The following ABITRAM variants were observed in gnomAD, a reference collection of about 807,000 sequenced individuals.
The protein encoded by ABITRAM is protein Abitram.
A neutral mutation model predicts 22.9 loss-of-function variants in ABITRAM; 19 were observed. The ratio of observed to expected loss-of-function variants is 0.83; its 90% CI spans 0.58 to 1.22. ABITRAM has a LOEUF of 1.22. Ranked by LOEUF, ABITRAM falls within the 50% of genes most tolerant of loss-of-function variation. The pLI is 0.00. For synonymous variants in ABITRAM, 70 were observed against 73.9 expected (o/e 0.95, Z 0.27); for missense variants, 215 against 220.2 (o/e 0.98, Z 0.15).
At chr9:108,946,822 A>T (rs149345774) in intron 3 of ABITRAM, among the ~76,000 whole-genome samples, 1 of 152,302 alleles carries the variant, frequency 6.6e-6, no homozygotes, top group African/African-American at 2.4e-5. Context: ...CATTGATTTA[A>T]TGACTAAGCT....
downstream of ABITRAM, among the ~76,000 whole-genome samples, chr9:108,942,140 C>T (rs1242767876): frequency 6.6e-6 from 1 of 152,218 alleles, no homozygotes; most frequent in African/African-American, 2.4e-5. Context: ...CCATCTCATA[C>T]TCTCCAGGAG....
intron 3 of ABITRAM, 76 bp downstream of exon 3, chr9:108,936,513 G>C: frequency 6.7e-7 from 1 of 1,485,878 alleles, no homozygotes; most frequent in East Asian, 2.3e-5. Context: ...ATGAACCTTA[G>C]AATCCAGTAG....
intron 2 of ABITRAM, 70 bp from the exon 3 acceptor site, chr9:108,936,238 T>G (rs1168928541): frequency 3.1e-5 from 48 of 1,538,722 alleles, no homozygotes; most frequent in Non-Finnish European, 4.0e-5. Flanking sequence ...TACATTCTTG[T>G]TCCAATAGGA....
At chr9:108,950,708 G>A (rs1830537807) in exon 4 of ABITRAM, 2 of 1,385,746 alleles carry the variant, frequency 1.4e-6, no homozygotes, top group African/African-American at 1.5e-5. Flanking sequence ...AGTCTTTCTG[G>A]TGACTTTGCA....
chr9:108,948,162 G>T, intron 3 of ABITRAM: 1 of 1,608,642 alleles, frequency 6.2e-7, no homozygotes, highest in South Asian at 1.1e-5. Flanking sequence ...TAAAGTACTA[G>T]CATAAAACGG....
Position 108,939,531 on chromosome 9 carries a change from A to G in ABITRAM, c.409-18A>G, listed in dbSNP as rs1170919939. The G allele has an allele frequency of 2.5e-6, 4 of 1,612,902 alleles. No individual in the cohort carries two copies. The African/African-American group carries it at 5.3e-5, about 22-fold the overall frequency. ...TTTTTTCATCGTTTGACAGTACTAA[A>G]TGTTCTTTCCTTTCCAGCCATCTAC... On this transcript the variant is annotated intron_variant, in intron 5 of 5. Coordinates refer to ENST00000322940, the MANE Select transcript of ABITRAM (RefSeq NM_017832.4).
chr9:108,934,423 T>TC lies in ABITRAM; in HGVS notation c.-62dup, dbSNP rs1379853110. ...CTGTGCGCCGGAAGAGCACGCCCAG[T>TC]CCGGGCTGCGCGGAGGAAGCGCTGG... On this transcript the variant is annotated 5_prime_UTR_variant, in exon 1 of 6. Transcript: ENST00000322940. The TC allele has an allele frequency of 2.0e-5, 29 of 1,416,224 alleles. 1 individual carries two copies. Among genetic ancestry groups the TC allele is most frequent in the Admixed American group, 8.9e-5 (4 of 44,876 alleles). The allele number at this position is 1,416,224 out of a possible 1,614,324, so 87.7% of individuals were successfully genotyped here.
Position 108,939,651 on chromosome 9 carries a change from G to C in ABITRAM, c.511G>C (p.Val171Leu), listed in dbSNP as rs1830232801. ...ACAAAAACAATATGAAGAAGTCATG[G>C]TGAAACGCATTAATGCCACAACAGC... ...LTQKQYEEVM[V>L]KRINATTATS Residue 171 changes from valine (V) to leucine (L), a missense_variant, in exon 6 of 6, where the codon GTG becomes CTG. Coordinates refer to ENST00000322940, the MANE Select transcript of ABITRAM (RefSeq NM_017832.4). 6 of 1,613,950 alleles carry C rather than the reference G, an allele frequency of 3.7e-6. No homozygotes were observed. Among genetic ancestry groups the C allele is most frequent in the Non-Finnish European group, 5.1e-6 (6 of 1,179,990 alleles).
chr9:108,941,784 G>A (rs28361186), downstream of ABITRAM, among the ~76,000 whole-genome samples: 33,240 of 152,002 alleles, frequency 0.22, 4,469 homozygotes, highest in East Asian at 0.3. Context: ...CAAATACTAC[G>A]ACTGAAGTCT....
At chr9:108,935,880 T>C in intron 2 of ABITRAM, 191 bp downstream of exon 2, 1 of 575,882 alleles carries the variant, frequency 1.7e-6, no homozygotes, top group Non-Finnish European at 3.1e-6. Context: ...GCCTGGCCAC[T>C]CTGAACATAT....
intron 3 of ABITRAM, among the ~76,000 whole-genome samples, chr9:108,946,203 G>C (rs912003971): frequency 1.3e-5 from 2 of 151,560 alleles, no homozygotes; most frequent in South Asian, 2.1e-4. Context: ...GGAGGCTGAG[G>C]CAGAAGAATC....
intron 3 of ABITRAM, among the ~76,000 whole-genome samples, chr9:108,947,806 C>T (rs1830448985): frequency 6.6e-6 from 1 of 152,192 alleles, no homozygotes; most frequent in South Asian, 2.1e-4. Flanking sequence ...TGTGTTATCT[C>T]ATTTAATCAA....
intron 3 of ABITRAM, chr9:108,950,437 G>A: frequency 1.3e-6 from 2 of 1,488,966 alleles, no homozygotes; most frequent in Non-Finnish European, 1.8e-6. Flanking sequence ...AATATGATAA[G>A]GTACTGACAA....
At chr9:108,943,939 C>T, downstream of ABITRAM, 1 of 1,611,346 alleles carries the variant, frequency 6.2e-7, no homozygotes, top group Non-Finnish European at 8.5e-7. Flanking sequence ...ACCACCAGCT[C>T]CAGGTAGGTA....
chr9:108,945,725 T>C (rs1338806801), downstream of ABITRAM, among the ~76,000 whole-genome samples: 1 of 151,962 alleles, frequency 6.6e-6, no homozygotes, highest in Non-Finnish European at 1.5e-5. Flanking sequence ...TCCTCCCAGC[T>C]TGGTCTCCCA....
Position 108,939,262 on chromosome 9 carries a change from A to G in ABITRAM, c.328A>G (p.Thr110Ala), listed in dbSNP as rs781760389. Residue 110 changes from threonine to alanine, a missense_variant, in exon 4 of 6, where the codon ACT becomes GCT. By Grantham distance (58) the Thr-to-Ala change is moderately conservative. Coordinates refer to ENST00000322940, the MANE Select transcript of ABITRAM (RefSeq NM_017832.4). ...KIYCSDGEEY[T>A]VSSCVRGRLM... ...TTACTGCTCAGATGGTGAAGAATAT[A>G]CTGTGTCTAGGTGAGTAACTTTTTA... 1.2e-6 allele frequency: 2 copies of G among 1,613,904 alleles called. No individual in the cohort carries two copies. The highest frequency in any genetic ancestry group is 2.2e-5 in the South Asian group (2 of 91,054).
At position 108,936,394 on chromosome 9, in the gene ABITRAM, A is replaced by G; in HGVS notation, c.218A>G (p.Asn73Ser). The stretch of plus-strand genomic sequence containing the variant: ...AGCATTTCCTATCAGATCAGTACCA[A>G]CTGTAGCAGACTTCAGAACAAGGTC... ...IKSISYQIST[N>S]CSRLQNKVSG... The change falls in exon 3 of 6, where the codon AAC (asparagine) becomes AGC (serine). Residue 73 changes from asparagine to serine, a missense_variant. By Grantham distance (46) the Asn-to-Ser change is conservative (BLOSUM62 1). Coordinates refer to ENST00000322940, the MANE Select transcript of ABITRAM (RefSeq NM_017832.4). The G allele has an allele frequency of 6.2e-7, 1 of 1,613,940 alleles. No individual in the cohort carries two copies. Among genetic ancestry groups the G allele is most frequent in the Non-Finnish European group, 8.5e-7 (1 of 1,179,924 alleles).
At chr9:108,941,148 A>ATACT (rs982028744), downstream of ABITRAM, among the ~76,000 whole-genome samples, 1 of 152,208 alleles carries the variant, frequency 6.6e-6, no homozygotes, top group Non-Finnish European at 1.5e-5. Context: ...TTACAAAATA[A>ATACT]TACTTACTTA....
Position 108,939,820 on chromosome 9 carries a change from C to T in ABITRAM, c.*134C>T. The T allele has an allele frequency of 2.9e-6, 3 of 1,034,458 alleles. No individual in the cohort carries two copies. Among genetic ancestry groups the T allele is most frequent in the Middle Eastern group, 2.1e-4 (1 of 4,714 alleles). 64.1% of individuals were successfully genotyped at this position (1,034,458 alleles called of 1,614,324 possible). On this transcript the variant is annotated 3_prime_UTR_variant, in exon 6 of 6. Transcript: ENST00000322940. Reference sequence around the variant, plus strand: ...CATATGCAGGGGAGGCCTAGTGCTTCACTTAGTTTTCCCTCTCTGTCTTCA... The same window carrying T: ...CATATGCAGGGGAGGCCTAGTGCTTTACTTAGTTTTCCCTCTCTGTCTTCA...
Sources: allele counts gnomAD v4.1 joint callset (sites outside exome capture counted in the v4.1 genomes callset), GRCh38; gene constraint gnomAD v4.1.1; transcripts MANE v1.5; gene names NCBI Gene and HGNC (gene_info 2026-07-23, HGNC 2026-07-21).